The following KIAA1210 variants were observed in gnomAD, a reference collection of about 807,000 sequenced individuals.
KIAA1210 encodes the protein KIAA1210, also known as acrosomal protein KIAA1210.
KIAA1210 carries 48 observed loss-of-function variants against 78.9 expected under a neutral mutation model. That is an observed-to-expected ratio of 0.61 (90% confidence interval 0.48 to 0.77). The LOEUF is 0.77. Among genes scored for constraint, KIAA1210 ranks in the 30% least tolerant of loss-of-function variants. KIAA1210 has a pLI of 0.00. For missense variants in KIAA1210, 1,108 were observed against 1,100.0 expected, an observed-to-expected ratio of 1.01 and a Z score of -0.10; for synonymous variants, 406 against 404.5, an observed-to-expected ratio of 1.00 and a Z score of -0.04.
In KIAA1210 at chrX:119,083,115, A is replaced by C; in HGVS notation, c.4326T>G (p.Ala1442=). The part of the protein sequence containing the change: ...AETKEPKYEG[A]GSANENQPKK... ...TAGGTTGGTTTTCATTTGCAGAGCC[A>C]GCTCCCTTTAATACAAAAATGAAAA... is the stretch of plus-strand genomic sequence containing the variant. Residue 1442 remains alanine, a synonymous_variant, in exon 11 of 12, where the codon GCT becomes GCG. Transcript: ENST00000691062. 1 of 1,188,897 alleles carries C rather than the reference A, an allele frequency of 8.4e-7. No individual in the cohort carries two copies. The highest frequency in any genetic ancestry group is 2.3e-5 in the Admixed American group (1 of 43,091).
At chrX:119,142,160 T>C (rs1929062512) in intron 2 of KIAA1210, among the ~76,000 whole-genome samples, 1 of 111,873 alleles carries the variant, frequency 8.9e-6, no homozygotes, top group Admixed American at 9.5e-5. Context: ...GCTTAGTACT[T>C]TCATCATAGG....
At chrX:119,106,149 G>C (rs1927887589) in intron 5 of KIAA1210, among the ~76,000 whole-genome samples, 1 of 111,117 alleles carries the variant, frequency 9.0e-6, no homozygotes, top group South Asian at 3.9e-4. Context: ...TTACTACCAG[G>C]CCCCATTGGG....
intron 2 of KIAA1210, among the ~76,000 whole-genome samples, chrX:119,135,716 A>G (rs1928895696): frequency 8.9e-6 from 1 of 111,805 alleles, no homozygotes; most frequent in African/African-American, 3.2e-5. Context: ...TAATAACACC[A>G]GTTGAGGGAG....
intron 2 of KIAA1210, among the ~76,000 whole-genome samples, chrX:119,140,031 G>T (rs772885753): frequency 6.3e-5 from 7 of 111,654 alleles, no homozygotes; most frequent in Non-Finnish European, 1.3e-4. Flanking sequence ...GGCATTCTTG[G>T]ATTCTATTAT....
intron 2 of KIAA1210, among the ~76,000 whole-genome samples, chrX:119,120,483 A>C (rs1928421492): frequency 8.9e-6 from 1 of 112,217 alleles, no homozygotes; most frequent in Non-Finnish European, 1.9e-5. Context: ...TAACTGGATA[A>C]AAACATGTCT....
chrX:119,088,879 T>G lies in KIAA1210; in HGVS notation c.1823A>C (p.Glu608Ala). 8.3e-7 allele frequency: 1 copy of G among 1,210,863 alleles called. No individual in the cohort carries two copies. Among genetic ancestry groups the G allele is most frequent in the Non-Finnish European group, 1.1e-6 (1 of 895,082 alleles). Residue 608 changes from glutamate to alanine, a missense_variant, in exon 9 of 12, where the codon GAG (glutamate) becomes GCG (alanine). Glu to Ala is a moderately radical substitution (Grantham distance 107, BLOSUM62 -1). Around this residue, in one of 5 missense-constraint regions of KIAA1210, gnomAD observed 672 missense variants for 607.1 expected, o/e 1.11. Coordinates refer to ENST00000691062, the MANE Select transcript of KIAA1210 (RefSeq NM_001394962.1). ...ACCATCCCCCTCCTCAGGAATATTC[T>G]CTGAATCTGAGGAGACTTCTTCAGC... ...PDAEEVSSDSENIPEEGDGSE... is the reference protein window; with the variant it reads ...PDAEEVSSDSANIPEEGDGSE...
In KIAA1210 at chrX:119,109,099, G is replaced by A. The variant is rs1285328864; in HGVS notation, c.334C>T (p.Pro112Ser). The change falls in exon 4 of 12, where the codon CCC becomes TCC. Residue 112 changes from proline to serine, a missense_variant. Around this residue, in one of 5 missense-constraint regions of KIAA1210, gnomAD observed 672 missense variants for 607.1 expected, o/e 1.11. Coordinates refer to ENST00000691062, the MANE Select transcript of KIAA1210 (RefSeq NM_001394962.1). ...ACCTGCTGAGGTCTGCCTCTCTGGG[G>A]ATCCATAGAAGGAAACATTTTACTT... is the stretch of plus-strand genomic sequence containing the variant. The part of the protein sequence containing the change: ...SASKMFPSMD[P>S]QRGRPQQRSH... 8.3e-7 allele frequency: 1 copy of A among 1,206,075 alleles called. No individual in the cohort carries two copies. Among genetic ancestry groups the A allele is most frequent in the Non-Finnish European group, 1.1e-6 (1 of 892,544 alleles).
Position 119,087,770 on chromosome X carries a change from G to A in KIAA1210, c.2932C>T (p.Pro978Ser). Reference sequence around the variant, plus strand: ...AAGAACTGGGTAGCATATTGGGGAGGCAATGGACTCCCAGAAATGTCTGCC... The same window carrying A: ...AAGAACTGGGTAGCATATTGGGGAGACAATGGACTCCCAGAAATGTCTGCC... ...IEADISGSPL[P>S]PQYATQFLKR... is the part of the protein sequence containing the mutation. Residue 978 changes from proline to serine, a missense_variant, in exon 9 of 12, where the codon CCT (proline) becomes TCT (serine). Coordinates refer to ENST00000691062, the MANE Select transcript of KIAA1210 (RefSeq NM_001394962.1). 8.3e-7 allele frequency: 1 copy of A among 1,211,533 alleles called. No individual in the cohort carries two copies. The highest frequency in any genetic ancestry group is 1.1e-6 in the Non-Finnish European group (1 of 895,234).
At chrX:119,091,926 T>C (rs1364956917) in intron 8 of KIAA1210, among the ~76,000 whole-genome samples, 3 of 110,746 alleles carry the variant, frequency 2.7e-5, no homozygotes, top group African/African-American at 9.9e-5. Context: ...TATTAGACAC[T>C]GAAGACTCAG....
Position 119,087,759 on chromosome X carries a change from A to G in KIAA1210, c.2943T>C (p.Tyr981=), listed in dbSNP as rs1394341993. ...TAGACCTCTTTAAGAACTGGGTAGC[A>G]TATTGGGGAGGCAATGGACTCCCAG... is the stretch of plus-strand genomic sequence containing the variant. ...DISGSPLPPQ[Y]ATQFLKRSKV... is the part of the protein sequence containing the mutation. The change falls in exon 9 of 12, where the codon TAT becomes TAC. Residue 981 remains tyrosine (Y), a synonymous_variant. Coordinates refer to ENST00000691062, the MANE Select transcript of KIAA1210 (RefSeq NM_001394962.1). 2.5e-6 allele frequency: 3 copies of G among 1,211,813 alleles called. No individual in the cohort carries two copies. Among genetic ancestry groups the G allele is most frequent in the Non-Finnish European group, 3.4e-6 (3 of 895,435 alleles).
chrX:119,081,364 T>C lies in KIAA1210; in HGVS notation c.4567A>G (p.Lys1523Glu), dbSNP rs1488324816. 1 of 1,205,780 alleles carries C rather than the reference T, an allele frequency of 8.3e-7. No individual in the cohort carries two copies. The highest frequency in any genetic ancestry group is 1.1e-6 in the Non-Finnish European group (1 of 893,394). ...ATTTCTGCCATGTGGCTCCATGCTTTGGCTTTCTTCCTGGCCAGTGAGAAC... is the reference window on the plus strand; with the variant it reads ...ATTTCTGCCATGTGGCTCCATGCTTCGGCTTTCTTCCTGGCCAGTGAGAAC... ...VWFSLARKKA[K>E]AWSHMAEITQ The change falls in exon 12 of 12, where the codon AAA (lysine) becomes GAA (glutamate). Residue 1523 changes from lysine to glutamate, a missense_variant. Lys to Glu is a moderately conservative substitution (Grantham distance 56). This residue lies in a region of KIAA1210 where 245 missense variants were observed against 278.8 expected (regional missense o/e 0.88). Transcript: ENST00000691062.
At chrX:119,114,619 T>C (rs1009729041) in intron 3 of KIAA1210, among the ~76,000 whole-genome samples, 3 of 112,364 alleles carry the variant, frequency 2.7e-5, no homozygotes, top group African/African-American at 9.7e-5. Context: ...TGTGACTACC[T>C]TGCCTCCTCT....
intron 2 of KIAA1210, among the ~76,000 whole-genome samples, chrX:119,141,733 C>T (rs1929054219): frequency 8.9e-6 from 1 of 112,294 alleles, no homozygotes; most frequent in South Asian, 3.7e-4. Flanking sequence ...GGACCAGAAC[C>T]TCAGACTAAT....
intron 7 of KIAA1210, 115 bp from the exon 8 acceptor site, chrX:119,093,890 G>T: frequency 1.1e-6 from 1 of 875,504 alleles, no homozygotes; most frequent in Non-Finnish European, 1.6e-6. Flanking sequence ...GCACGTAACA[G>T]TACCTTTAAA....
intron 6 of KIAA1210, among the ~76,000 whole-genome samples, chrX:119,101,287 C>T (rs184835956): frequency 5.2e-4 from 58 of 111,924 alleles, no homozygotes; most frequent in African/African-American, 1.7e-3. Context: ...GACTGTCTTC[C>T]TGGAACAAAG....
chrX:119,132,256 T>C (rs1474023907), upstream of KIAA1210, among the ~76,000 whole-genome samples: 1 of 111,981 alleles, frequency 8.9e-6, no homozygotes, highest in African/African-American at 3.2e-5. Flanking sequence ...TCATAGAAAC[T>C]GAGAGATGGT....
At chrX:119,099,251 T>A (rs1486890938) in intron 6 of KIAA1210, among the ~76,000 whole-genome samples, 1 of 112,765 alleles carries the variant, frequency 8.9e-6, no homozygotes, top group Non-Finnish European at 1.9e-5. Flanking sequence ...TTAGTGAAAC[T>A]CATTCTATAG....
At chrX:119,083,216 G>A in intron 10 of KIAA1210, 96 bp from the exon 11 acceptor site, 1 of 548,810 alleles carries the variant, frequency 1.8e-6, no homozygotes, top group Admixed American at 3.7e-5. Context: ...GCCCTGTCCT[G>A]GGTACTATGA....
intron 3 of KIAA1210, among the ~76,000 whole-genome samples, chrX:119,112,637 C>G (rs1928117983): frequency 8.9e-6 from 1 of 111,808 alleles, no homozygotes; most frequent in Admixed American, 9.5e-5. Context: ...TTCACACCCA[C>G]TAGAATGGCT....
Sources: gnomAD v4.1 joint callset for allele counts (sites outside exome capture counted in the v4.1 genomes callset) on GRCh38, gnomAD v4.1.1 for gene constraint, gnomAD v4.1.1 regional missense constraint, MANE v1.5 for transcripts, NCBI Gene and HGNC (gene_info 2026-07-23, HGNC 2026-07-21) for gene names.